Variants in ZBTB7C observed in about 807,000 individuals in gnomAD.
ZBTB7C encodes zinc finger and BTB domain-containing protein 7C.
Under a neutral mutation model 25.7 loss-of-function variants are expected in ZBTB7C, and 8 were observed. That is an observed-to-expected ratio of 0.31 (90% CI 0.18 to 0.56). The LOEUF (loss-of-function observed/expected upper bound fraction) is 0.56, where lower values mean the gene tolerates loss of function less well. Ranked by LOEUF, ZBTB7C falls within the 20% of genes least tolerant of loss-of-function variation. The pLI is 0.91. For missense variants in ZBTB7C, 824 were observed against 855.2 expected (o/e 0.96, Z 0.46); for synonymous variants, 394 against 369.0 (o/e 1.07, Z -0.78).
intron 3 of ZBTB7C, among the ~76,000 whole-genome samples, chr18:48,071,324 C>G (rs1477727184): frequency 6.6e-6 from 1 of 152,068 alleles, no homozygotes; most frequent in South Asian, 2.1e-4. Flanking sequence ...ACAGAAAAAC[C>G]CCAACAACAC....
chr18:48,030,672 C>T (rs1031994452), intron 4 of ZBTB7C, among the ~76,000 whole-genome samples: 6 of 152,186 alleles, frequency 3.9e-5, no homozygotes, highest in African/African-American at 7.2e-5. Flanking sequence ...GGAGCCTCTG[C>T]GCCAGCTGCA....
chr18:48,283,290 G>A (rs1351191328), intron 2 of ZBTB7C, among the ~76,000 whole-genome samples: 2 of 152,140 alleles, frequency 1.3e-5, no homozygotes, highest in Non-Finnish European at 2.9e-5. Flanking sequence ...TACTCCTATT[G>A]TGCAGCCACT....
In ZBTB7C at chr18:48,385,610, G is replaced by A. The variant is rs149838690; in HGVS notation, c.-304+23616C>T. 3.6e-3 allele frequency among the ~76,000 whole-genome samples: 549 copies of A among 152,374 alleles called. 3 individuals are homozygous for A. The highest frequency in any genetic ancestry group is 0.012 in the African/African-American group (507 of 41,590). The stretch of plus-strand genomic sequence containing the variant: ...GCCCTGCACAAAGGCAGGCCCGCCC[G>A]GAACGCATGCACCATTCAGAGTGTA... On this transcript the variant is annotated intron_variant, in intron 1 of 4. Coordinates refer to ENST00000590800, the MANE Select transcript of ZBTB7C (RefSeq NM_001318841.2).
At chr18:48,323,717 T>A (rs762643011) in intron 2 of ZBTB7C, among the ~76,000 whole-genome samples, 10 of 152,174 alleles carry the variant, frequency 6.6e-5, no homozygotes, top group Admixed American at 1.3e-4. Flanking sequence ...ATGCTCCTAC[T>A]GTGGGCTGTG....
At chr18:48,284,471 C>T (rs1475628595) in intron 2 of ZBTB7C, among the ~76,000 whole-genome samples, 1 of 151,502 alleles carries the variant, frequency 6.6e-6, no homozygotes, top group Non-Finnish European at 1.5e-5. Context: ...GAGGGAGGGG[C>T]ACATAAATAT....
At chr18:48,228,766 C>CAT (rs1487590490) in intron 2 of ZBTB7C, among the ~76,000 whole-genome samples, 1 of 151,490 alleles carries the variant, frequency 6.6e-6, no homozygotes, top group African/African-American at 2.4e-5. Flanking sequence ...CACACACACA[C>CAT]ACACACACTC....
chr18:48,166,329 G>T (rs1333836993), intron 3 of ZBTB7C, among the ~76,000 whole-genome samples: 2 of 152,074 alleles, frequency 1.3e-5, no homozygotes, highest in African/African-American at 4.8e-5. Context: ...TTTATTTTGG[G>T]AGAAATAAGA....
intron 1 of ZBTB7C, among the ~76,000 whole-genome samples, chr18:48,401,948 C>T (rs1399742334): frequency 6.6e-6 from 1 of 152,158 alleles, no homozygotes; most frequent in Non-Finnish European, 1.5e-5. Flanking sequence ...TCCCAGGATG[C>T]AATGATGCTC....
At chr18:48,328,179 C>T (rs1300751221) in intron 2 of ZBTB7C, among the ~76,000 whole-genome samples, 1 of 121,778 alleles carries the variant, frequency 8.2e-6, no homozygotes, top group African/African-American at 3.2e-5. Flanking sequence ...GAGACTCTGT[C>T]TCAAAAAAAA....
At chr18:48,106,578 G>A (rs1265549974) in intron 3 of ZBTB7C, among the ~76,000 whole-genome samples, 1 of 152,042 alleles carries the variant, frequency 6.6e-6, no homozygotes, top group East Asian at 1.9e-4. Flanking sequence ...TAACTTGAGG[G>A]GTGCTGTATT....
chr18:48,388,071 C>T (rs944105616), intron 1 of ZBTB7C, among the ~76,000 whole-genome samples: 1 of 152,180 alleles, frequency 6.6e-6, no homozygotes, highest in African/African-American at 2.4e-5. Flanking sequence ...AAGTGATCCG[C>T]CCTCCTCGGC....
At chr18:48,139,377 C>G (rs1473190983) in intron 3 of ZBTB7C, among the ~76,000 whole-genome samples, 1 of 152,128 alleles carries the variant, frequency 6.6e-6, no homozygotes, top group African/African-American at 2.4e-5. Context: ...TCAAACCCAG[C>G]TGGAGCGGGA....
intron 2 of ZBTB7C, among the ~76,000 whole-genome samples, chr18:48,218,974 A>C (rs59208076): frequency 6.6e-6 from 1 of 151,946 alleles, no homozygotes; most frequent in Non-Finnish European, 1.5e-5. Context: ...TGCACACAGG[A>C]CCCTCACCCC....
chr18:48,211,228 A>G (rs1483581946), intron 2 of ZBTB7C, among the ~76,000 whole-genome samples: 1 of 152,216 alleles, frequency 6.6e-6, no homozygotes, highest in Non-Finnish European at 1.5e-5. Context: ...ATGTGAAACT[A>G]TAAAACTCCT....
chr18:48,171,968 A>G (rs2041497488), intron 3 of ZBTB7C, among the ~76,000 whole-genome samples: 1 of 152,170 alleles, frequency 6.6e-6, no homozygotes, highest in South Asian at 2.1e-4. Context: ...CAGTCCACGC[A>G]TTTGGGGATT....
intron 2 of ZBTB7C, among the ~76,000 whole-genome samples, chr18:48,231,067 G>A (rs2043239289): frequency 6.6e-6 from 1 of 152,190 alleles, no homozygotes; most frequent in South Asian, 2.1e-4. Flanking sequence ...GTGGCTTGGT[G>A]CAGGCTTGCA....
intron 2 of ZBTB7C, among the ~76,000 whole-genome samples, chr18:48,204,732 C>T (rs1439764851): frequency 6.6e-6 from 1 of 152,128 alleles, no homozygotes; most frequent in Non-Finnish European, 1.5e-5. Context: ...CTAAGGTTAC[C>T]TCCACAGACC....
chr18:48,236,019 CT>C (rs1214457073), intron 2 of ZBTB7C, among the ~76,000 whole-genome samples: 3 of 152,196 alleles, frequency 2.0e-5, no homozygotes, highest in Non-Finnish European at 4.4e-5. Flanking sequence ...TCACCTCTTT[CT>C]CAATCTCACT....
At chr18:48,166,085 A>G (rs760831668) in intron 3 of ZBTB7C, among the ~76,000 whole-genome samples, 9 of 152,170 alleles carry the variant, frequency 5.9e-5, no homozygotes, top group Non-Finnish European at 1.0e-4. Context: ...ATATTTATAT[A>G]TGTGTAACAT....
Sources: allele counts gnomAD v4.1 joint callset (sites outside exome capture counted in the v4.1 genomes callset), GRCh38; gene constraint gnomAD v4.1.1; transcripts MANE v1.5; gene names NCBI Gene and HGNC (gene_info 2026-07-23, HGNC 2026-07-21).